CACNA1S: variants seen among roughly 807,000 people sequenced by gnomAD.
CACNA1S encodes voltage-dependent L-type calcium channel subunit alpha-1S.
In CACNA1S, 126 loss-of-function variants were observed where a neutral mutation model predicts 207.4. The ratio of observed to expected loss-of-function variants is 0.61; its 90% CI spans 0.53 to 0.70. The LOEUF is 0.70. Ranked by LOEUF, CACNA1S falls within the 30% of genes least tolerant of loss-of-function variation. The pLI, the probability that CACNA1S is intolerant of heterozygous loss-of-function variation, is 0.00. For missense variants in CACNA1S, 2,349 were observed against 2,422.8 expected (o/e 0.97, Z 0.64); for synonymous variants, 960 against 932.7 (o/e 1.03, Z -0.53).
chr1:201,041,550 C>T lies in CACNA1S; in HGVS notation c.5088G>A (p.Thr1696=), dbSNP rs149863607. ...YEREFPEETE[T]PATRGRALGQ... is the part of the protein sequence containing the mutation. ...CAAGGGCTCGTCCTCTGGTAGCAGGCGTCTCTGTCTCTTCTGGGAACTCCC... is the reference window on the plus strand; with the variant it reads ...CAAGGGCTCGTCCTCTGGTAGCAGGTGTCTCTGTCTCTTCTGGGAACTCCC... The change falls in exon 41 of 44, where the codon ACG becomes ACA. Residue 1696 remains threonine, a synonymous_variant. Transcript: ENST00000362061. 19 of 1,613,980 alleles carry T rather than the reference C, an allele frequency of 1.2e-5. No individual in the cohort carries two copies. The highest frequency in any genetic ancestry group is 6.7e-5 in the African/African-American group (5 of 74,918).
intron 2 of CACNA1S, among the ~76,000 whole-genome samples, chr1:201,099,813 A>C (rs1662570026): frequency 6.6e-6 from 1 of 152,082 alleles, no homozygotes; most frequent in African/African-American, 2.4e-5. Flanking sequence ...TGACAGCTGG[A>C]CTGGGCCCCC....
At chr1:201,080,918 C>T (rs942705) in intron 10 of CACNA1S, among the ~76,000 whole-genome samples, 82,309 of 152,070 alleles carry the variant, frequency 0.54, 22,890 homozygotes, top group East Asian at 0.81. Context: ...ATGTTACTAT[C>T]TTAGTTTAGA....
chr1:201,082,613 C>A (rs773283240), intron 10 of CACNA1S, among the ~76,000 whole-genome samples: 1 of 152,136 alleles, frequency 6.6e-6, no homozygotes, highest in Non-Finnish European at 1.5e-5. Flanking sequence ...TCTATCATTG[C>A]CCTCCTTCTA....
At chr1:201,058,002 A>C (rs1345753654) in intron 28 of CACNA1S, among the ~76,000 whole-genome samples, 4 of 152,026 alleles carry the variant, frequency 2.6e-5, no homozygotes, top group Non-Finnish European at 5.9e-5. Flanking sequence ...CATGCCCTGA[A>C]CCTTCTTTGC....
At position 201,085,892 on chromosome 1, in the gene CACNA1S, G is replaced by GACAAGGCAGTCCATTGCCTA. The variant is rs1662024493; in HGVS notation, c.1005-331_1005-312dup. ...TTCCCCTTGCACATTAGGGGTTAATGACAAGGCAGTCCATTGCCTAACTGA... is the reference window on the plus strand; with the variant it reads ...TTCCCCTTGCACATTAGGGGTTAATGACAAGGCAGTCCATTGCCTAACAAGGCAGTCCATTGCCTAACTGA... On this transcript the variant is annotated intron_variant, in intron 7 of 43. Coordinates refer to ENST00000362061, the MANE Select transcript of CACNA1S (RefSeq NM_000069.3). 2.0e-5 allele frequency among the ~76,000 whole-genome samples: 3 copies of GACAAGGCAGTCCATTGCCTA among 152,282 alleles called. No homozygotes were observed. The South Asian group carries it at 6.2e-4, about 32-fold the overall frequency.
chr1:201,054,633 A>T (rs1660772711), intron 28 of CACNA1S, 72 bp from the exon 29 acceptor site: 1 of 1,273,604 alleles, frequency 7.9e-7, no homozygotes, highest in Non-Finnish European at 1.1e-6. Context: ...GAGGGAGGTG[A>T]AGAGACGTGT....
At chr1:201,064,845 GTGAGA>G (rs1157429972) in intron 22 of CACNA1S, among the ~76,000 whole-genome samples, 1 of 152,260 alleles carries the variant, frequency 6.6e-6, no homozygotes, top group Non-Finnish European at 1.5e-5. Flanking sequence ...GGCTCCGGAT[GTGAGA>G]TGATGAACTC....
intron 2 of CACNA1S, 130 bp from the exon 3 acceptor site, chr1:201,094,151 G>T: frequency 9.7e-7 from 1 of 1,027,696 alleles, no homozygotes; most frequent in Non-Finnish European, 1.5e-6. Context: ...TGCACTTGCT[G>T]ATGGAATGCC....
chr1:201,082,817 A>G (rs1018888061), intron 10 of CACNA1S, among the ~76,000 whole-genome samples: 2 of 152,160 alleles, frequency 1.3e-5, no homozygotes, highest in Non-Finnish European at 2.9e-5. Context: ...TAGAGTTCCA[A>G]ATTACTAGCA....
intron 22 of CACNA1S, among the ~76,000 whole-genome samples, chr1:201,065,205 CTG>C (rs1289974641): frequency 6.6e-6 from 1 of 152,230 alleles, no homozygotes; most frequent in African/African-American, 2.4e-5. Context: ...CCTTAAAACT[CTG>C]TGCATTCAGT....
intron 2 of CACNA1S, among the ~76,000 whole-genome samples, chr1:201,099,607 G>A (rs1052062812): frequency 1.3e-5 from 2 of 152,182 alleles, no homozygotes; most frequent in Non-Finnish European, 2.9e-5. Context: ...TTTGGCTGAG[G>A]AGGAGGAAGC....
intron 2 of CACNA1S, among the ~76,000 whole-genome samples, chr1:201,100,858 CTT>C (rs202047386): frequency 1.4e-5 from 2 of 145,052 alleles, no homozygotes. Context: ...AAGGTAAGTA[CTT>C]TTTTTTTTTT....
In CACNA1S at chr1:201,039,683, G is replaced by C; in HGVS notation, c.*148C>G. ...CTACTTCCTCCGCACTTTTTGAGGT[G>C]GTTCCTGACCACCCTGCCTCAGGCC... On this transcript the variant is annotated 3_prime_UTR_variant, in exon 44 of 44. Transcript: ENST00000362061. 1 of 1,038,896 alleles carries C rather than the reference G, an allele frequency of 9.6e-7. No homozygotes were observed. Among genetic ancestry groups the C allele is most frequent in the Non-Finnish European group, 1.4e-6 (1 of 700,262 alleles). 64.4% of individuals were successfully genotyped at this position (1,038,896 alleles called of 1,614,324 possible).
At chr1:201,064,581 A>G (rs1168239426) in intron 22 of CACNA1S, among the ~76,000 whole-genome samples, 1 of 152,226 alleles carries the variant, frequency 6.6e-6, no homozygotes, top group Non-Finnish European at 1.5e-5. Context: ...TTTCATGTCT[A>G]AGACTGACTG....
chr1:201,050,045 C>T (rs980478819), intron 34 of CACNA1S, among the ~76,000 whole-genome samples: 3 of 152,140 alleles, frequency 2.0e-5, no homozygotes, highest in Non-Finnish European at 2.9e-5. Flanking sequence ...GAGGGGCCTG[C>T]GACTCTGCAT....
chr1:201,074,447 T>C (rs1235361421), intron 14 of CACNA1S, 59 bp downstream of exon 14: 2 of 1,054,314 alleles, frequency 1.9e-6, no homozygotes, highest in Non-Finnish European at 1.5e-6. Flanking sequence ...TGTCCAGAGC[T>C]GGAAGGCCAT....
chr1:201,057,577 G>A (rs528736031), intron 28 of CACNA1S, among the ~76,000 whole-genome samples: 1 of 152,344 alleles, frequency 6.6e-6, no homozygotes, highest in East Asian at 1.9e-4. Flanking sequence ...GTACATATTT[G>A]AGAAATAAAT....
Position 201,070,280 on chromosome 1 carries a change from G to A in CACNA1S, c.2352C>T (p.Pro784=). 1 of 1,613,968 alleles carries A rather than the reference G, an allele frequency of 6.2e-7. No individual in the cohort carries two copies. The highest frequency in any genetic ancestry group is 1.1e-5 in the South Asian group (1 of 91,086). The change falls in exon 17 of 44, where the codon CCC becomes CCT. Residue 784 remains proline, a synonymous_variant. Coordinates refer to ENST00000362061, the MANE Select transcript of CACNA1S (RefSeq NM_000069.3). The part of the protein sequence containing the change: ...PEASSFFIFS[P]TNKIRVLCHR... ...AGCCAAGGGGCACCCACTTATTGGT[G>A]GGGCTGAAGATGAAGAAGGAGCTGG...
At chr1:201,041,124 T>G (rs1170248769) in intron 41 of CACNA1S, among the ~76,000 whole-genome samples, 1 of 152,200 alleles carries the variant, frequency 6.6e-6, no homozygotes, top group Non-Finnish European at 1.5e-5. Context: ...CAAGATCATT[T>G]GCAGAAGGGC....
Sources: gnomAD v4.1 joint callset for allele counts (sites outside exome capture counted in the v4.1 genomes callset) on GRCh38, gnomAD v4.1.1 for gene constraint, MANE v1.5 for transcripts, NCBI Gene and HGNC (gene_info 2026-07-23, HGNC 2026-07-21) for gene names.